COLGALT2: variants seen among roughly 807,000 people sequenced by gnomAD.
COLGALT2 encodes the protein procollagen galactosyltransferase 2.
A neutral mutation model predicts 73.4 loss-of-function variants in COLGALT2; 49 were observed. The ratio of observed to expected loss-of-function variants is 0.67; its 90% CI spans 0.53 to 0.85. COLGALT2 has a LOEUF of 0.85. Among genes scored for constraint, COLGALT2 ranks in the 40% least tolerant of loss-of-function variants. The pLI, the probability that COLGALT2 is intolerant of heterozygous loss-of-function variation, is 0.00. For synonymous variants in COLGALT2, 295 were observed against 307.6 expected (o/e 0.96, Z 0.43); for missense variants, 722 against 790.2 (o/e 0.91, Z 1.03).
At chr1:183,985,387 C>T (rs1671460097) in intron 1 of COLGALT2, among the ~76,000 whole-genome samples, 1 of 152,208 alleles carries the variant, frequency 6.6e-6, no homozygotes, top group Non-Finnish European at 1.5e-5. Flanking sequence ...ATTGCCCTGC[C>T]TTAGCCTTCT....
chr1:183,965,018 A>G (rs1670827770), intron 5 of COLGALT2, among the ~76,000 whole-genome samples: 1 of 152,240 alleles, frequency 6.6e-6, no homozygotes, highest in Non-Finnish European at 1.5e-5. Flanking sequence ...TCATCTGTCA[A>G]ATCAGGTGAA....
Position 183,973,710 on chromosome 1 carries a change from A to G in COLGALT2, c.533T>C (p.Leu178Pro), listed in dbSNP as rs902768179. The G allele has an allele frequency of 6.2e-7, 1 of 1,613,894 alleles. No individual in the cohort carries two copies. The highest frequency in any genetic ancestry group is 8.5e-7 in the Non-Finnish European group (1 of 1,179,858). The change falls in exon 4 of 12, where the codon CTC (leucine) becomes CCC (proline). Residue 178 changes from leucine to proline, a missense_variant. By Grantham distance (98) the Leu-to-Pro change is moderately conservative (BLOSUM62 -3). Transcript: ENST00000361927. ...VDNFLTNPQT[L>P]NLLIAENKTI... is the part of the protein sequence containing the mutation. The stretch of plus-strand genomic sequence containing the variant: ...TTTGTTTTCTGCAATCAGTAGATTG[A>G]GGGTCTGTGGATTAGTCAGGAAATT...
rs1649732226 is a variant in COLGALT2, at chr1:184,037,483, G to A, written c.-126C>T. ...GCGGCCGGGGGATGCGGCTTGCCGCGGCCGGCCGGCTCACACACTGGCCTC... is the reference window on the plus strand; with the variant it reads ...GCGGCCGGGGGATGCGGCTTGCCGCAGCCGGCCGGCTCACACACTGGCCTC... On this transcript the variant is annotated 5_prime_UTR_variant, in exon 1 of 12. Transcript: ENST00000361927. 6 of 1,182,284 alleles carry A rather than the reference G, an allele frequency of 5.1e-6. No homozygotes were observed. Among genetic ancestry groups the A allele is most frequent in the Non-Finnish European group, 6.3e-6 (6 of 957,808 alleles). 73.2% of individuals were successfully genotyped at this position (1,182,284 alleles called of 1,614,324 possible). A position where few individuals can be genotyped will look rare whatever the true frequency, so the allele number is the denominator to read the frequency against.
chr1:183,995,246 G>C (rs1372334265), intron 1 of COLGALT2, among the ~76,000 whole-genome samples: 1 of 152,154 alleles, frequency 6.6e-6, no homozygotes, highest in Non-Finnish European at 1.5e-5. Context: ...AAAGGCATTT[G>C]GCCCTGATTG....
chr1:184,030,521 A>G (rs908054098), intron 1 of COLGALT2, among the ~76,000 whole-genome samples: 1 of 152,186 alleles, frequency 6.6e-6, no homozygotes, highest in Non-Finnish European at 1.5e-5. Flanking sequence ...ATACTGTGCC[A>G]TAGACTTGGA....
intron 11 of COLGALT2, 37 bp from the exon 12 acceptor site, chr1:183,939,074 G>C: frequency 6.5e-7 from 1 of 1,540,118 alleles, no homozygotes; most frequent in Non-Finnish European, 8.9e-7. Context: ...ATGAGGGGGC[G>C]GAAAGGAGAC....
At position 183,936,955 on chromosome 1, in the gene COLGALT2, A is replaced by G. The variant is rs1112363; in HGVS notation, c.*1806T>C. On this transcript the variant is annotated 3_prime_UTR_variant, in exon 12 of 12. Coordinates refer to ENST00000361927, the MANE Select transcript of COLGALT2 (RefSeq NM_015101.4). ...GGGGACCCGCCCCTCACCTGGGGAG[A>G]TGAGGCTGCCTTGACTACCTATTTG... 692,599 of 1,231,366 alleles carry G rather than the reference A, an allele frequency of 0.56. 195,518 individuals carry two copies. The highest frequency in any genetic ancestry group is 0.57 in the Non-Finnish European group (562,784 of 987,840). The allele number at this position is 1,231,366 out of a possible 1,614,324, so 76.3% of individuals were successfully genotyped here.
At chr1:184,019,356 T>C (rs1188283333) in intron 1 of COLGALT2, among the ~76,000 whole-genome samples, 1 of 152,190 alleles carries the variant, frequency 6.6e-6, no homozygotes, top group African/African-American at 2.4e-5. Context: ...ACAGAGCTAA[T>C]GGGTTTATGC....
intron 6 of COLGALT2, among the ~76,000 whole-genome samples, chr1:183,962,186 G>A: frequency 8.8e-6 from 1 of 113,302 alleles, no homozygotes; most frequent in African/African-American, 3.9e-5. Flanking sequence ...TTGAGATGGA[G>A]TCTCACTCTG....
At chr1:183,982,622 T>C (rs1248646949) in intron 1 of COLGALT2, among the ~76,000 whole-genome samples, 1 of 152,184 alleles carries the variant, frequency 6.6e-6, no homozygotes, top group Admixed American at 6.5e-5. Context: ...TCTTAAATTA[T>C]TTATAAACGG....
At chr1:184,021,136 G>T (rs568665551) in intron 1 of COLGALT2, among the ~76,000 whole-genome samples, 1 of 152,150 alleles carries the variant, frequency 6.6e-6, no homozygotes, top group African/African-American at 2.4e-5. Context: ...CATCGGGAGA[G>T]GTTGGTGCTG....
intron 6 of COLGALT2, among the ~76,000 whole-genome samples, chr1:183,962,158 T>TC (rs1670725361): frequency 8.0e-6 from 1 of 124,638 alleles, no homozygotes; most frequent in Non-Finnish European, 1.7e-5. Context: ...CTCTTTCTTT[T>TC]TTTTTTTTTT....
chr1:184,029,626 G>GT (rs1351304085), intron 1 of COLGALT2, among the ~76,000 whole-genome samples: 1 of 152,218 alleles, frequency 6.6e-6, no homozygotes, highest in Non-Finnish European at 1.5e-5. Flanking sequence ...TACATGGCAT[G>GT]TTTTGTCTGT....
chr1:183,944,388 AT>A (rs1255621487), intron 9 of COLGALT2, 65 bp from the exon 10 acceptor site: 3 of 1,543,634 alleles, frequency 1.9e-6, no homozygotes, highest in Non-Finnish European at 8.7e-7. Flanking sequence ...TATTAGATAA[AT>A]AAGTATTAAA....
At chr1:184,033,589 TCTGA>T (rs1649580608) in intron 1 of COLGALT2, among the ~76,000 whole-genome samples, 4 of 152,264 alleles carry the variant, frequency 2.6e-5, no homozygotes, top group Non-Finnish European at 5.9e-5. Context: ...TTCAGACTAA[TCTGA>T]ATAAACTTGA....
intron 6 of COLGALT2, among the ~76,000 whole-genome samples, chr1:183,962,960 C>T (rs1337737831): frequency 1.3e-5 from 2 of 152,332 alleles, no homozygotes; most frequent in East Asian, 3.9e-4. Flanking sequence ...TGCTGTTCCT[C>T]CCTAACCACC....
chr1:183,989,169 T>C (rs901183351), intron 1 of COLGALT2, among the ~76,000 whole-genome samples: 1 of 152,226 alleles, frequency 6.6e-6, no homozygotes, highest in Non-Finnish European at 1.5e-5. Context: ...GCTTCATGAG[T>C]ATCTTGGTTG....
At chr1:184,009,444 C>A (rs943656377) in intron 1 of COLGALT2, among the ~76,000 whole-genome samples, 23 of 152,160 alleles carry the variant, frequency 1.5e-4, no homozygotes, top group African/African-American at 5.1e-4. Flanking sequence ...TATATTTGGT[C>A]AATTATGCCA....
At chr1:183,964,101 G>A (rs1456650282) in intron 5 of COLGALT2, 81 bp from the exon 6 acceptor site, 1 of 1,494,716 alleles carries the variant, frequency 6.7e-7, no homozygotes, top group Non-Finnish European at 9.1e-7. Context: ...AACCTGAACT[G>A]TGTCTGATGC....
Sources: allele counts gnomAD v4.1 joint callset (sites outside exome capture counted in the v4.1 genomes callset), GRCh38; gene constraint gnomAD v4.1.1; transcripts MANE v1.5; gene names NCBI Gene and HGNC (gene_info 2026-07-23, HGNC 2026-07-21).